The following SASH1 variants were observed in gnomAD, a reference collection of about 807,000 sequenced individuals.
SASH1 encodes SAM and SH3 domain containing 1, also known as SAM and SH3 domain-containing protein 1.
SASH1 carries 44 observed loss-of-function variants against 125.2 expected under a neutral mutation model. That is an observed-to-expected ratio of 0.35 (90% CI 0.28 to 0.45). The LOEUF is 0.45. SASH1 is among the 20% of genes least tolerant of loss of function. SASH1 has a pLI of 1.00. For missense variants in SASH1, 1,426 were observed against 1,614.5 expected (o/e 0.88, Z 2.00); for synonymous variants, 639 against 649.1 (o/e 0.98, Z 0.24).
chr6:148,476,001 G>A (rs553905786), intron 7 of SASH1, among the ~76,000 whole-genome samples: 164 of 152,122 alleles, frequency 1.1e-3, no homozygotes, highest in Non-Finnish European at 2.1e-3. Flanking sequence ...AGTACTGAAA[G>A]TCCTAGCTAT....
intron 9 of SASH1, among the ~76,000 whole-genome samples, chr6:148,518,887 A>C (rs1470004159): frequency 6.6e-6 from 1 of 152,194 alleles, no homozygotes; most frequent in Non-Finnish European, 1.5e-5. Context: ...CAGGGCCCTT[A>C]AACGCCCTGG....
intron 2 of SASH1, among the ~76,000 whole-genome samples, chr6:148,418,976 C>T (rs1161403980): frequency 1.3e-5 from 2 of 152,222 alleles, no homozygotes; most frequent in Non-Finnish European, 2.9e-5. Context: ...CCCCTCCCAT[C>T]TCCTGTCCAT....
chr6:148,255,507 A>G, the SASH1 span, among the ~76,000 whole-genome samples: 1 of 152,190 alleles, frequency 6.6e-6, no homozygotes, highest in African/African-American at 2.4e-5. Flanking sequence ...AATACAAGTC[A>G]GTCTATAACA....
At chr6:148,444,129 C>T (rs1019292238) in intron 4 of SASH1, among the ~76,000 whole-genome samples, 3 of 152,170 alleles carry the variant, frequency 2.0e-5, no homozygotes, top group Non-Finnish European at 2.9e-5. Flanking sequence ...ACTGCTCCTG[C>T]GACTCCTGCC....
At chr6:148,525,602 C>T (rs1781098755) in intron 11 of SASH1, among the ~76,000 whole-genome samples, 1 of 152,188 alleles carries the variant, frequency 6.6e-6, no homozygotes, top group Non-Finnish European at 1.5e-5. Context: ...TCCTTTAATG[C>T]CTTTGCTTCC....
the SASH1 span, among the ~76,000 whole-genome samples, chr6:148,198,380 T>C: frequency 6.6e-6 from 1 of 152,260 alleles, no homozygotes; most frequent in African/African-American, 2.4e-5. Context: ...TAGTTTTATT[T>C]CTAGTTTGTG....
chr6:148,379,982 G>A (rs1023083322), intron 1 of SASH1: 4 of 456,120 alleles, frequency 8.8e-6, no homozygotes, highest in African/African-American at 2.0e-5. Flanking sequence ...CGGAACGTAG[G>A]TGCCACACAA....
At chr6:148,390,035 A>G (rs1783633950) in intron 1 of SASH1, 99 bp from the exon 2 acceptor site, 2 of 1,376,042 alleles carry the variant, frequency 1.5e-6, no homozygotes, top group Non-Finnish European at 2.0e-6. Flanking sequence ...TTAAATACCA[A>G]CCTTTATTAC....
intron 4 of SASH1, among the ~76,000 whole-genome samples, chr6:148,442,587 G>C (rs1040841802): frequency 6.6e-6 from 1 of 151,308 alleles, no homozygotes; most frequent in Non-Finnish European, 1.5e-5. Context: ...ATTACTGCTG[G>C]CCTGTTTGAG....
Position 148,544,439 on chromosome 6 carries a change from A to C in SASH1, c.2969A>C (p.Lys990Thr). 1 of 1,614,162 alleles carries C rather than the reference A, an allele frequency of 6.2e-7. No homozygotes were observed. The highest frequency in any genetic ancestry group is 2.2e-5 in the East Asian group (1 of 44,864). ...IPSQPPPVPA[K>T]KSRERLANGL... is the part of the protein sequence containing the mutation. ...TCACAGCCTCCACCTGTTCCTGCCAAAAAGAGCAGAGAACGCCTTGCTAAC... is the reference window on the plus strand; with the variant it reads ...TCACAGCCTCCACCTGTTCCTGCCACAAAGAGCAGAGAACGCCTTGCTAAC... The change falls in exon 18 of 20, where the codon AAA becomes ACA. Residue 990 changes from lysine (K) to threonine (T), a missense_variant. By Grantham distance (78) the Lys-to-Thr change is moderately conservative. This residue lies in a region of SASH1 where 634 missense variants were observed against 694.4 expected (regional missense o/e 0.91). Coordinates refer to ENST00000367467, the MANE Select transcript of SASH1 (RefSeq NM_015278.5). This position sits in a 1 kb window ranked among gnomAD's most constrained non-coding sequence, Gnocchi z 6.4.
intron 1 of SASH1, among the ~76,000 whole-genome samples, chr6:148,371,988 A>G (rs1193834666): frequency 1.3e-5 from 2 of 152,168 alleles, no homozygotes; most frequent in African/African-American, 4.8e-5. Context: ...CTCAATGTAG[A>G]TCATTTATGA....
chr6:148,368,779 C>CACACACACACACACACACACACAT (rs1782591430), intron 1 of SASH1, among the ~76,000 whole-genome samples: 1 of 151,978 alleles, frequency 6.6e-6, no homozygotes, highest in South Asian at 2.1e-4. Context: ...CGCACACACA[C>CACACACACACACACACACACACAT]ACACACACAC....
chr6:148,366,239 G>A (rs1033860495), intron 1 of SASH1, among the ~76,000 whole-genome samples: 12 of 152,080 alleles, frequency 7.9e-5, no homozygotes, highest in Non-Finnish European at 7.3e-5. Context: ...AGCTGTGTTC[G>A]CGCCACTGCA....
In SASH1 at chr6:148,403,536, T is replaced by A. The variant is rs542987652; in HGVS notation, c.285+13274T>A. On this transcript the variant is annotated intron_variant, in intron 2 of 19. Transcript: ENST00000367467. ...TAACAATTGTTAACAGCTGGGTTTT[T>A]GTTTTGTTTTGAGACAAAGTTTTTG... is the stretch of plus-strand genomic sequence containing the variant. Among the ~76,000 whole-genome samples the A allele has an allele frequency of 3.9e-5, 6 of 152,344 alleles. No individual in the cohort carries two copies. The South Asian group carries it at 8.3e-4, about 21-fold the overall frequency.
chr6:148,335,749 G>C (rs1436930630), intron 1 of SASH1, among the ~76,000 whole-genome samples: 8 of 152,108 alleles, frequency 5.3e-5, no homozygotes. Flanking sequence ...GATGGTTACT[G>C]CTGCTGTTAA....
chr6:148,364,485 A>C (rs1006022711), intron 1 of SASH1, among the ~76,000 whole-genome samples: 2 of 152,218 alleles, frequency 1.3e-5, no homozygotes, highest in African/African-American at 4.8e-5. Flanking sequence ...GGATTACAAA[A>C]GCAAGAGTGT....
rs907609708 is a variant in SASH1 at position 148,343,024 on chromosome 6, C to G, written c.-44C>G. On this transcript the variant is annotated 5_prime_UTR_variant, in exon 1 of 20. Transcript: ENST00000367467. Reference sequence around the variant, plus strand: ...GCTGCGCGCGGGTGCGGGGCGAGGGCGCCGCGGGGACTGGGACGCACGGCC... The same window carrying G: ...GCTGCGCGCGGGTGCGGGGCGAGGGGGCCGCGGGGACTGGGACGCACGGCC... The G allele has an allele frequency of 1.7e-6, 2 of 1,166,246 alleles. No individual in the cohort carries two copies. Among genetic ancestry groups the G allele is most frequent in the African/African-American group, 3.2e-5 (2 of 61,616 alleles). The allele number at this position is 1,166,246 out of a possible 1,614,324, so 72.2% of individuals were successfully genotyped here. A position where few individuals can be genotyped will look rare whatever the true frequency, so the allele number is the denominator to read the frequency against.
the SASH1 span, among the ~76,000 whole-genome samples, chr6:148,231,335 A>G: frequency 9.9e-5 from 15 of 152,194 alleles, no homozygotes; most frequent in East Asian, 1.9e-3. Flanking sequence ...CCATTGATCT[A>G]TGTCTCCTCT....
At chr6:148,252,409 A>G in the SASH1 span, among the ~76,000 whole-genome samples, 1 of 151,964 alleles carries the variant, frequency 6.6e-6, no homozygotes, top group Non-Finnish European at 1.5e-5. Context: ...AACAACAGCT[A>G]CATCATGGCT....
Sources: gnomAD v4.1 joint callset for allele counts (sites outside exome capture counted in the v4.1 genomes callset) on GRCh38, gnomAD v4.1.1 for gene constraint, gnomAD v4.1.1 regional missense constraint, Gnocchi (gnomAD v3.1) non-coding constraint, MANE v1.5 for transcripts, NCBI Gene and HGNC (gene_info 2026-07-23, HGNC 2026-07-21) for gene names.